Variants in TMEM131L observed in about 807,000 individuals in gnomAD.
TMEM131L encodes transmembrane protein 131-like.
Under a neutral mutation model 192.2 loss-of-function variants are expected in TMEM131L, and 54 were observed. That is an observed-to-expected ratio of 0.28 (90% confidence interval 0.23 to 0.35). TMEM131L has a LOEUF of 0.35. TMEM131L is among the 10% of genes least tolerant of loss of function. The pLI is 1.00. For missense variants in TMEM131L, 1,888 were observed against 1,972.9 expected (o/e 0.96, Z 0.82); for synonymous variants, 701 against 704.9 (o/e 0.99, Z 0.09).
intron 2 of TMEM131L, among the ~76,000 whole-genome samples, chr4:153,469,202 T>A (rs1471218889): frequency 6.6e-6 from 1 of 152,212 alleles, no homozygotes; most frequent in Non-Finnish European, 1.5e-5. Flanking sequence ...AAAGCTATAA[T>A]GAAAGTGAAA....
intron 4 of TMEM131L, among the ~76,000 whole-genome samples, chr4:153,554,005 A>T (rs1031072295): frequency 2.6e-5 from 4 of 152,226 alleles, no homozygotes; most frequent in African/African-American, 4.8e-5. Context: ...CTGGCTCTGT[A>T]GCATTGCTGT....
intron 4 of TMEM131L, among the ~76,000 whole-genome samples, chr4:153,553,567 TA>T (rs1283125367): frequency 1.3e-5 from 2 of 152,076 alleles, no homozygotes; most frequent in South Asian, 4.2e-4. Context: ...GACATTAGAG[TA>T]AAACTTTAGC....
rs552444402 is a variant in TMEM131L, at chr4:153,503,999, C to T, written c.239+30111C>T. 1.6e-3 allele frequency among the ~76,000 whole-genome samples: 246 copies of T among 152,258 alleles called. 1 individual carries two copies. The highest frequency in any genetic ancestry group is 5.3e-3 in the African/African-American group (221 of 41,554). On this transcript the variant is annotated intron_variant, in intron 3 of 34. Coordinates refer to ENST00000409959, the MANE Select transcript of TMEM131L (RefSeq NM_001131007.2). ...TTTGTTTTTTGGAGATGGAGTCTTG[C>T]TCTGTCGCCCAGGCTGGAGTGCAGT...
rs1734601284 is a variant in TMEM131L at position 153,636,630 on chromosome 4, A to G, written c.*54A>G. 2.0e-6 allele frequency: 3 copies of G among 1,531,078 alleles called. No individual in the cohort carries two copies. The highest frequency in any genetic ancestry group is 1.8e-6 in the Non-Finnish European group (2 of 1,118,760). 94.8% of individuals were successfully genotyped at this position (1,531,078 alleles called of 1,614,324 possible). A position where few individuals can be genotyped will look rare whatever the true frequency, so the allele number is the denominator to read the frequency against. ...TAAAGAGGCTTGTGTTTTGATTACT[A>G]GTGTAAACTGGTTATTGAGATAGAT... On this transcript the variant is annotated 3_prime_UTR_variant, in exon 35 of 35. Transcript: ENST00000409959.
At chr4:153,503,104 A>G (rs563113220) in intron 3 of TMEM131L, among the ~76,000 whole-genome samples, 2 of 152,368 alleles carry the variant, frequency 1.3e-5, no homozygotes, top group African/African-American at 2.4e-5. Flanking sequence ...ACATTAAAAC[A>G]AAGATATAAT....
intron 21 of TMEM131L, among the ~76,000 whole-genome samples, chr4:153,601,107 C>CAAA (rs397879528): frequency 0.044 from 4,569 of 102,972 alleles, 131 homozygotes; most frequent in Admixed American, 0.12. Flanking sequence ...AAGACTGTCT[C>CAAA]AAAAAAAAAA....
chr4:153,506,372 G>T (rs1260449481), intron 3 of TMEM131L, among the ~76,000 whole-genome samples: 1 of 152,190 alleles, frequency 6.6e-6, no homozygotes, highest in Non-Finnish European at 1.5e-5. Flanking sequence ...ATTTTGAAAA[G>T]ATTTTAGGGA....
intron 10 of TMEM131L, 76 bp downstream of exon 10, chr4:153,583,324 C>T: frequency 1.2e-6 from 1 of 868,780 alleles, no homozygotes. Flanking sequence ...GAGGGTTTTT[C>T]AGGAACAGAG....
intron 3 of TMEM131L, among the ~76,000 whole-genome samples, chr4:153,525,930 C>CA (rs1319964471): frequency 1.3e-5 from 2 of 151,966 alleles, no homozygotes; most frequent in African/African-American, 4.8e-5. Flanking sequence ...GATCTCGGCT[C>CA]ACTGCAGCCT....
intron 7 of TMEM131L, among the ~76,000 whole-genome samples, chr4:153,570,724 C>T (rs1729531527): frequency 1.3e-5 from 2 of 152,170 alleles, no homozygotes; most frequent in Non-Finnish European, 2.9e-5. Flanking sequence ...GAGATCTGTG[C>T]ACAGGGTGGT....
chr4:153,562,299 G>A (rs189865222), intron 7 of TMEM131L, among the ~76,000 whole-genome samples: 2,759 of 152,214 alleles, frequency 0.018, 46 homozygotes, highest in Non-Finnish European at 0.029. Context: ...GCCTCCTAAA[G>A]TGCTGGAATT....
intron 26 of TMEM131L, among the ~76,000 whole-genome samples, chr4:153,613,368 C>G (rs1055695417): frequency 1.3e-5 from 2 of 152,120 alleles, no homozygotes; most frequent in African/African-American, 4.8e-5. Context: ...GTAATATAAT[C>G]TGCAAAAACC....
chr4:153,479,956 A>G (rs1293023650), intron 3 of TMEM131L, among the ~76,000 whole-genome samples: 4 of 152,236 alleles, frequency 2.6e-5, no homozygotes, highest in Admixed American at 6.5e-5. Context: ...CATGCCTGTA[A>G]TCCCAGGACT....
rs1402818100 is a variant in TMEM131L at position 153,583,203 on chromosome 4, A to T, written c.906A>T (p.Val302=). ...DESETSDDSA[V]NMYILHSGNS... is the part of the protein sequence containing the mutation. Reference sequence around the variant, plus strand: ...TCTTTTGGACAGATGATTCAGCAGTAAATATGTATATATTACATTCAGGAA... The same window carrying T: ...TCTTTTGGACAGATGATTCAGCAGTTAATATGTATATATTACATTCAGGAA... Residue 302 remains valine (V), a synonymous_variant, in exon 10 of 35, where the codon GTA becomes GTT. Transcript: ENST00000409959. The T allele has an allele frequency of 6.9e-7, 1 of 1,445,276 alleles. No homozygotes were observed. Among genetic ancestry groups the T allele is most frequent in the Non-Finnish European group, 9.7e-7 (1 of 1,026,466 alleles). The allele number at this position is 1,445,276 out of a possible 1,614,324, so 89.5% of individuals were successfully genotyped here.
At chr4:153,626,633 G>A (rs554537721) in intron 30 of TMEM131L, among the ~76,000 whole-genome samples, 17 of 152,290 alleles carry the variant, frequency 1.1e-4, no homozygotes, top group East Asian at 3.9e-4. Flanking sequence ...GCGTAGCGGC[G>A]CATGCCTGTA....
At chr4:153,635,246 GT>G (rs1235427608) in intron 33 of TMEM131L, among the ~76,000 whole-genome samples, 185 bp from the exon 34 acceptor site, 4 of 152,196 alleles carry the variant, frequency 2.6e-5, no homozygotes, top group Non-Finnish European at 2.9e-5. Flanking sequence ...CCCAGGTTGT[GT>G]GTCTGATAAA....
intron 29 of TMEM131L, among the ~76,000 whole-genome samples, chr4:153,624,416 G>A (rs979261903): frequency 1.3e-5 from 2 of 152,238 alleles, no homozygotes; most frequent in African/African-American, 4.8e-5. Context: ...ACTGCGCCCG[G>A]CCTACTCAGC....
chr4:153,635,646 C>G (rs2278576), intron 34 of TMEM131L, 75 bp downstream of exon 34: 1,252,324 of 1,533,142 alleles, frequency 0.82, 513,354 homozygotes, highest in Non-Finnish European at 0.83. Flanking sequence ...TAATCCTGGT[C>G]TCAGCTAGCT....
intron 1 of TMEM131L, 71 bp downstream of exon 1, chr4:153,466,592 G>A: frequency 8.1e-7 from 1 of 1,238,014 alleles, no homozygotes; most frequent in Non-Finnish European, 1.0e-6. Flanking sequence ...GGGAACTGCT[G>A]AAATCTATAA....
Sources: gnomAD v4.1 joint callset for allele counts (sites outside exome capture counted in the v4.1 genomes callset) on GRCh38, gnomAD v4.1.1 for gene constraint, MANE v1.5 for transcripts, NCBI Gene and HGNC (gene_info 2026-07-23, HGNC 2026-07-21) for gene names.